The following CRY1 variants were observed in gnomAD, a reference collection of about 807,000 sequenced individuals.
CRY1 encodes cryptochrome-1.
Under a neutral mutation model 76.0 loss-of-function variants are expected in CRY1, and 45 were observed. The observed-to-expected ratio is 0.59, with a 90% CI of 0.47 to 0.76. The LOEUF (loss-of-function observed/expected upper bound fraction) is 0.76, where lower values mean the gene tolerates loss of function less well. Ranked by LOEUF, CRY1 falls within the 30% of genes least tolerant of loss-of-function variation. The pLI is 0.00. For synonymous variants in CRY1, 248 were observed against 244.0 expected (o/e 1.02, Z -0.15); for missense variants, 587 against 716.4 (o/e 0.82, Z 2.06).
chr12:107,044,393 G>A (rs1307105053), intron 1 of CRY1, among the ~76,000 whole-genome samples: 2 of 152,182 alleles, frequency 1.3e-5, no homozygotes, highest in Non-Finnish European at 2.9e-5. Context: ...CTACTGAGGT[G>A]CCCACAGTTA....
rs116535562 is a variant in CRY1 at position 107,033,724 on chromosome 12, T to C, written c.159-11532A>G. On this transcript the variant is annotated intron_variant, in intron 1 of 12. Transcript: ENST00000008527. ...AATAAACTAGAACTAGTAGGTAACA[T>C]CCCTAATCTGAAAAAGGGTACCCGT... Among the ~76,000 whole-genome samples the C allele has an allele frequency of 5.2e-3, 789 of 151,840 alleles. 12 individuals carry two copies. The highest frequency in any genetic ancestry group is 0.018 in the African/African-American group (758 of 41,404).
chr12:107,029,113 A>C (rs1952648811), intron 1 of CRY1, among the ~76,000 whole-genome samples: 4 of 152,182 alleles, frequency 2.6e-5, no homozygotes, highest in Admixed American at 2.6e-4. Context: ...TATGTTGCCC[A>C]GGCTGGCCTC....
chr12:107,021,996 C>A (rs900056313), intron 2 of CRY1, 88 bp downstream of exon 2: 2 of 1,016,262 alleles, frequency 2.0e-6, no homozygotes, highest in Non-Finnish European at 1.5e-6. Context: ...ATATTCGCTA[C>A]ATTTTCAATT....
intron 1 of CRY1, among the ~76,000 whole-genome samples, chr12:107,083,270 G>A (rs1953349823): frequency 6.6e-6 from 1 of 152,102 alleles, no homozygotes; most frequent in African/African-American, 2.4e-5. Flanking sequence ...GGTACAAAGA[G>A]GAGCTGGTAC....
intron 7 of CRY1, among the ~76,000 whole-genome samples, chr12:106,998,659 A>AAAAC: frequency 7.0e-6 from 1 of 143,440 alleles, no homozygotes; most frequent in East Asian, 2.0e-4. Context: ...TAAGAGATTA[A>AAAAC]ACACACACAC....
chr12:107,069,179 G>A (rs1953148408), intron 1 of CRY1, among the ~76,000 whole-genome samples: 1 of 151,678 alleles, frequency 6.6e-6, no homozygotes, highest in African/African-American at 2.4e-5. Flanking sequence ...CAATGTACAA[G>A]GGTTCCAATT....
At chr12:107,030,107 G>C (rs747937835) in intron 1 of CRY1, among the ~76,000 whole-genome samples, 1 of 152,130 alleles carries the variant, frequency 6.6e-6, no homozygotes, top group African/African-American at 2.4e-5. Flanking sequence ...ACATATAGCA[G>C]GAGTTCAATA....
At chr12:107,063,371 T>TA (rs1464154691) in intron 1 of CRY1, among the ~76,000 whole-genome samples, 1 of 152,206 alleles carries the variant, frequency 6.6e-6, no homozygotes, top group Non-Finnish European at 1.5e-5. Context: ...GACAAATAGA[T>TA]AAAAAGGACT....
intron 1 of CRY1, among the ~76,000 whole-genome samples, chr12:107,077,325 G>A (rs1171344957): frequency 6.6e-6 from 1 of 152,162 alleles, no homozygotes; most frequent in African/African-American, 2.4e-5. Flanking sequence ...TGGTGTGAAA[G>A]TTTCCTTACA....
intron 2 of CRY1, among the ~76,000 whole-genome samples, chr12:107,017,262 C>T (rs1952506834): frequency 6.6e-6 from 1 of 152,274 alleles, no homozygotes; most frequent in Non-Finnish European, 1.5e-5. Context: ...CTCTAGCACA[C>T]TGGCCTTGTT....
Position 107,005,143 on chromosome 12 carries a change from T to C in CRY1, c.373A>G (p.Ile125Val), listed in dbSNP as rs546950305. Residue 125 changes from isoleucine (I) to valine (V), a missense_variant, in exon 3 of 13, where the codon ATT becomes GTT. By Grantham distance (29) the Ile-to-Val change is conservative. Coordinates refer to ENST00000008527, the MANE Select transcript of CRY1 (RefSeq NM_004075.5). ...KLATEAGVEV[I>V]VRISHTLYDL... ...TATAATGTATGTGAAATTCTTACAA[T>C]GACTTCTACTCCAGCTTCAGTTGCC... 6 of 1,613,480 alleles carry C rather than the reference T, an allele frequency of 3.7e-6. No homozygotes were observed. In the South Asian group the frequency reaches 6.6e-5, roughly 18 times the overall value.
intron 1 of CRY1, among the ~76,000 whole-genome samples, chr12:107,075,667 C>G (rs1953244097): frequency 6.6e-6 from 1 of 152,114 alleles, no homozygotes; most frequent in Non-Finnish European, 1.5e-5. Flanking sequence ...TATTGAGCCA[C>G]CAGACCTAAC....
intron 1 of CRY1, among the ~76,000 whole-genome samples, chr12:107,070,251 T>C (rs1467832166): frequency 6.6e-6 from 1 of 152,066 alleles, no homozygotes; most frequent in Non-Finnish European, 1.5e-5. Context: ...ATAACAGATA[T>C]AATATGGTAA....
intron 1 of CRY1, among the ~76,000 whole-genome samples, chr12:107,082,247 T>C (rs1444459759): frequency 6.6e-6 from 1 of 151,984 alleles, no homozygotes; most frequent in Non-Finnish European, 1.5e-5. Context: ...CACACAATAA[T>C]AGTGGGAGAC....
intron 1 of CRY1, among the ~76,000 whole-genome samples, chr12:107,045,490 T>A (rs1437416020): frequency 6.6e-6 from 1 of 152,216 alleles, no homozygotes; most frequent in Non-Finnish European, 1.5e-5. Flanking sequence ...AAACCCTGTC[T>A]CTACTAAAAA....
At chr12:107,032,505 T>TACAAAC (rs201793898) in intron 1 of CRY1, among the ~76,000 whole-genome samples, 2 of 111,018 alleles carry the variant, frequency 1.8e-5, no homozygotes, top group East Asian at 3.5e-4. Context: ...AGATAACTGT[T>TACAAAC]ACAGACACAC....
chr12:107,015,383 A>C (rs1253320404), intron 2 of CRY1, among the ~76,000 whole-genome samples: 5 of 150,936 alleles, frequency 3.3e-5, no homozygotes, highest in Non-Finnish European at 1.5e-5. Flanking sequence ...TCTGTTGCCC[A>C]GGCTGGAGTG....
intron 1 of CRY1, among the ~76,000 whole-genome samples, chr12:107,048,349 G>A (rs956218560): frequency 1.3e-5 from 2 of 152,054 alleles, no homozygotes; most frequent in African/African-American, 4.8e-5. Flanking sequence ...CAAAGTGCTG[G>A]GATTACAGGC....
chr12:107,031,520 T>C (rs1458533763), intron 1 of CRY1, among the ~76,000 whole-genome samples: 1 of 151,998 alleles, frequency 6.6e-6, no homozygotes, highest in African/African-American at 2.4e-5. Context: ...AAGGAAAAAA[T>C]AGTAACTTTA....
Sources: allele counts gnomAD v4.1 joint callset (sites outside exome capture counted in the v4.1 genomes callset), GRCh38; gene constraint gnomAD v4.1.1; transcripts MANE v1.5; gene names NCBI Gene and HGNC (gene_info 2026-07-23, HGNC 2026-07-21).